Variants in ENGASE observed in about 807,000 individuals in gnomAD.
The protein encoded by ENGASE is cytosolic endo-beta-N-acetylglucosaminidase.
A neutral mutation model predicts 78.5 loss-of-function variants in ENGASE; 69 were observed. The ratio of observed to expected loss-of-function variants is 0.88; its 90% CI spans 0.72 to 1.07. The LOEUF is 1.07. Among genes scored for constraint, ENGASE ranks in the 50% least tolerant of loss-of-function variants. ENGASE has a pLI of 0.00. For missense variants in ENGASE, 943 were observed against 988.4 expected, an observed-to-expected ratio of 0.95 and a Z score of 0.62; for synonymous variants, 408 against 408.9, an observed-to-expected ratio of 1.00 and a Z score of 0.03.
chr17:79,085,851 T>C, intron 13 of ENGASE, 82 bp from the exon 14 acceptor site: 2 of 1,584,004 alleles, frequency 1.3e-6, no homozygotes, highest in Non-Finnish European at 8.6e-7. Context: ...GGTGGAGGAG[T>C]CAGGGAGGGG....
chr17:79,082,950 G>C, intron 7 of ENGASE, 70 bp from the exon 8 acceptor site: 1 of 1,587,482 alleles, frequency 6.3e-7, no homozygotes, highest in Non-Finnish European at 8.6e-7. Context: ...CCCAACCCAC[G>C]TCACTGGCGT....
rs1167013600 is a variant in ENGASE at position 79,088,359 on chromosome 17, T to C, written c.*2010T>C. The stretch of plus-strand genomic sequence containing the variant: ...TTTTAAGTGCTGGTTCCCCCGAATA[T>C]TTTATGCAGAGGAGGGAAAATTTAT... On this transcript the variant is annotated 3_prime_UTR_variant, in exon 14 of 14. Transcript: ENST00000579016. 2 of 152,154 alleles carry C rather than the reference T, an allele frequency of 1.3e-5. No homozygotes were observed. Among genetic ancestry groups the C allele is most frequent in the African/African-American group, 4.8e-5 (2 of 41,416 alleles). The allele number at this position is 152,154 out of a possible 1,614,324, so 9.4% of individuals were successfully genotyped here. A position where few individuals can be genotyped will look rare whatever the true frequency, so the allele number is the denominator to read the frequency against.
In ENGASE at chr17:79,079,396, G is replaced by T. The variant is rs1272742072; in HGVS notation, c.417-93G>T. 4 of 1,437,400 alleles carry T rather than the reference G, an allele frequency of 2.8e-6. No homozygotes were observed. The African/African-American group carries it at 5.8e-5, about 21-fold the overall frequency. The allele number at this position is 1,437,400 out of a possible 1,614,324, so 89.0% of individuals were successfully genotyped here. A position where few individuals can be genotyped will look rare whatever the true frequency, so the allele number is the denominator to read the frequency against. On this transcript the variant is annotated intron_variant, in intron 3 of 13. Coordinates refer to ENST00000579016, the MANE Select transcript of ENGASE (RefSeq NM_001042573.3). ...TTGCCCAGGCTGGTCTTAAACTCCT[G>T]GGCTCAAGTGATCCACCTGCCTTGG...
In ENGASE at chr17:79,081,981, G is replaced by T; in HGVS notation, c.956G>T (p.Gly319Val). Residue 319 changes from glycine to valine, a missense_variant, in exon 7 of 14, where the codon GGG becomes GTG. Physicochemically the swap from Gly to Val is moderately radical, Grantham distance 109 (BLOSUM62 -3). Coordinates refer to ENST00000579016, the MANE Select transcript of ENGASE (RefSeq NM_001042573.3). ...TTGGAGCGGATGCTGGGGCAGGCTG[G>T]GGAGCGCCGGGCTGATGTGTACGTG... ...EHLERMLGQAGERRADVYVGV... is the reference protein window; with the variant it reads ...EHLERMLGQAVERRADVYVGV... 1.2e-6 allele frequency: 2 copies of T among 1,614,214 alleles called. No individual in the cohort carries two copies. The highest frequency in any genetic ancestry group is 1.7e-6 in the Non-Finnish European group (2 of 1,180,022).
chr17:79,076,807 C>G (rs2072978805), intron 1 of ENGASE, among the ~76,000 whole-genome samples: 1 of 152,074 alleles, frequency 6.6e-6, no homozygotes, highest in Non-Finnish European at 1.5e-5. Context: ...TCCTGGGGAC[C>G]CTGTGAAGTA....
chr17:79,077,569 C>A, intron 2 of ENGASE, 72 bp downstream of exon 2: 1 of 1,559,450 alleles, frequency 6.4e-7, no homozygotes, highest in Admixed American at 1.8e-5. Flanking sequence ...AGCCCCTGCC[C>A]CCTCTCATGT....
At position 79,080,919 on chromosome 17, in the gene ENGASE, T is replaced by C. The variant is rs201078243; in HGVS notation, c.724-6T>C. The C allele has an allele frequency of 1.4e-4, 220 of 1,609,250 alleles. 1 individual carries two copies. In the African/African-American group the frequency reaches 2.6e-3, roughly 19 times the overall value. The stretch of plus-strand genomic sequence containing the variant: ...CTGAGGCTCTCACCTTGTTCTTCTC[T>C]TTCAGCTGGCCGCTGTGGGGAACAT... On this transcript the variant is annotated splice_polypyrimidine_tract_variant and splice_region_variant and intron_variant, in intron 5 of 13. Transcript: ENST00000579016.
At position 79,077,570 on chromosome 17, in the gene ENGASE, C is replaced by T. The variant is rs1175606129; in HGVS notation, c.214+73C>T. The T allele has an allele frequency of 1.4e-5, 22 of 1,561,622 alleles. No homozygotes were observed. The East Asian group carries it at 4.3e-4, about 30-fold the overall frequency. ...CTTTGGGGCAGGTCAGCCCCTGCCCCCTCTCATGTTCCTTCTCTGTTATTG... is the reference window on the plus strand; with the variant it reads ...CTTTGGGGCAGGTCAGCCCCTGCCCTCTCTCATGTTCCTTCTCTGTTATTG... On this transcript the variant is annotated intron_variant, in intron 2 of 13. Transcript: ENST00000579016.
At chr17:79,078,944 G>A (rs1423201713) in intron 3 of ENGASE, among the ~76,000 whole-genome samples, 3 of 152,206 alleles carry the variant, frequency 2.0e-5, no homozygotes, top group Non-Finnish European at 4.4e-5. Context: ...AGCAGTGCTC[G>A]GTCCATTAGA....
Position 79,074,935 on chromosome 17 carries a change from G to C in ENGASE, c.-10G>C. 1.6e-6 allele frequency: 2 copies of C among 1,260,660 alleles called. No individual in the cohort carries two copies. Among genetic ancestry groups the C allele is most frequent in the Non-Finnish European group, 2.0e-6 (2 of 1,002,430 alleles). 78.1% of individuals were successfully genotyped at this position (1,260,660 alleles called of 1,614,324 possible). A position where few individuals can be genotyped will look rare whatever the true frequency, so the allele number is the denominator to read the frequency against. On this transcript the variant is annotated 5_prime_UTR_variant, in exon 1 of 14. Coordinates refer to ENST00000579016, the MANE Select transcript of ENGASE (RefSeq NM_001042573.3). ...CCTGCGATTGCCTCTCGGCGTGCGCGGACAGTGTCATGGAGGCCGCGGCGG... is the reference window on the plus strand; with the variant it reads ...CCTGCGATTGCCTCTCGGCGTGCGCCGACAGTGTCATGGAGGCCGCGGCGG...
rs1217227677 is a variant in ENGASE at position 79,083,976 on chromosome 17, G to A, written c.1442+25G>A. ...GGTGGGTGAGTGACGGAGGACGGTGGGCCCACCAGCTTCTCCCATCACACG... is the reference window on the plus strand; with the variant it reads ...GGTGGGTGAGTGACGGAGGACGGTGAGCCCACCAGCTTCTCCCATCACACG... On this transcript the variant is annotated intron_variant, in intron 10 of 13. Coordinates refer to ENST00000579016, the MANE Select transcript of ENGASE (RefSeq NM_001042573.3). This position sits in a 1 kb window ranked among gnomAD's most constrained non-coding sequence, Gnocchi z 4.9. 4 of 1,598,428 alleles carry A rather than the reference G, an allele frequency of 2.5e-6. No homozygotes were observed. The highest frequency in any genetic ancestry group is 2.2e-5 in the South Asian group (2 of 90,014).
chr17:79,083,990 T>A lies in ENGASE; in HGVS notation c.1442+39T>A. On this transcript the variant is annotated intron_variant, in intron 10 of 13. Transcript: ENST00000579016. The surrounding 1 kb of genome is among the most constrained non-coding windows in gnomAD (Gnocchi z 4.9). ...GGAGGACGGTGGGCCCACCAGCTTC[T>A]CCCATCACACGTGGTGGCCATGGAA... 6.4e-7 allele frequency: 1 copy of A among 1,570,244 alleles called. No homozygotes were observed. The highest frequency in any genetic ancestry group is 8.7e-7 in the Non-Finnish European group (1 of 1,150,782).
rs1329692182 is a variant in ENGASE, at chr17:79,083,469, A to G, written c.1143-13A>G. 7 of 1,608,036 alleles carry G rather than the reference A, an allele frequency of 4.4e-6. No individual in the cohort carries two copies. The highest frequency in any genetic ancestry group is 1.6e-4 in the Middle Eastern group (1 of 6,070). ...TCCTCCGGACCGAGCTGTTGCCCCCATGTCTCTGGCAGGTTCTGGGGCCGA... is the reference window on the plus strand; with the variant it reads ...TCCTCCGGACCGAGCTGTTGCCCCCGTGTCTCTGGCAGGTTCTGGGGCCGA... On this transcript the variant is annotated splice_polypyrimidine_tract_variant and intron_variant, in intron 8 of 13. Coordinates refer to ENST00000579016, the MANE Select transcript of ENGASE (RefSeq NM_001042573.3). This position sits in a 1 kb window ranked among gnomAD's most constrained non-coding sequence, Gnocchi z 4.9.
intron 4 of ENGASE, among the ~76,000 whole-genome samples, chr17:79,079,888 G>C (rs1183357189): frequency 6.6e-6 from 1 of 152,228 alleles, no homozygotes; most frequent in Non-Finnish European, 1.5e-5. Flanking sequence ...AAATAGGCAG[G>C]GCCGTGTTCC....
chr17:79,079,624 G>A lies in ENGASE; in HGVS notation c.552G>A (p.Gly184=), dbSNP rs931611708. 6.2e-7 allele frequency: 1 copy of A among 1,613,258 alleles called. No individual in the cohort carries two copies. Among genetic ancestry groups the A allele is most frequent in the Admixed American group, 1.7e-5 (1 of 59,840 alleles). The change falls in exon 4 of 14, where the codon GGG becomes GGA. Residue 184 remains glycine, a synonymous_variant. Transcript: ENST00000579016. The part of the protein sequence containing the change: ...VGWTNTAHRH[G]VCVLGTFITE... ...GGACCAACACTGCCCACAGGCATGG[G>A]GTCTGCGTGCTGGGTAAGAGCCAAG...
intron 12 of ENGASE, 104 bp from the exon 13 acceptor site, chr17:79,085,498 GCCTGGGGTCCCCCATGAC>G (rs1464932385): frequency 1.5e-5 from 21 of 1,436,382 alleles, no homozygotes; most frequent in Non-Finnish European, 1.8e-5. Context: ...CCTGCTGTCG[GCCTGGGGTCCCCCATGAC>G]CCTGGGATGC....
intron 10 of ENGASE, 28 bp from the exon 11 acceptor site, chr17:79,084,510 G>A: frequency 6.5e-7 from 1 of 1,544,272 alleles, no homozygotes; most frequent in Admixed American, 2.2e-5. Flanking sequence ...TCTCTCCACG[G>A]CACCCATCAC....
Position 79,080,910 on chromosome 17 carries a change from GTTC to G in ENGASE, c.724-10_724-8del, listed in dbSNP as rs779349273. The G allele has an allele frequency of 1.9e-6, 3 of 1,606,182 alleles. No homozygotes were observed. Among genetic ancestry groups the G allele is most frequent in the South Asian group, 1.1e-5 (1 of 90,180 alleles). ...TGGGGCTCACTGAGGCTCTCACCTT[GTTC>G]TTCTCTTTCAGCTGGCCGCTGTGGG... On this transcript the variant is annotated splice_polypyrimidine_tract_variant and intron_variant, in intron 5 of 13. Transcript: ENST00000579016.
intron 11 of ENGASE, 46 bp downstream of exon 11, chr17:79,084,732 T>C: frequency 1.3e-6 from 2 of 1,596,794 alleles, no homozygotes; most frequent in Admixed American, 1.8e-5. Context: ...GGCGGAGAGC[T>C]CAGGGAAGAG....
Sources: gnomAD v4.1 joint callset for allele counts (sites outside exome capture counted in the v4.1 genomes callset) on GRCh38, gnomAD v4.1.1 for gene constraint, Gnocchi (gnomAD v3.1) non-coding constraint, MANE v1.5 for transcripts, NCBI Gene and HGNC (gene_info 2026-07-23, HGNC 2026-07-21) for gene names.